The following METTL25 variants were observed in gnomAD, a reference collection of about 807,000 sequenced individuals.
METTL25 encodes the protein probable methyltransferase-like protein 25.
METTL25 carries 64 observed loss-of-function variants against 71.6 expected under a neutral mutation model. That is an observed-to-expected ratio of 0.89 (90% CI 0.73 to 1.10). The LOEUF is 1.10. Among genes scored for constraint, METTL25 ranks in the 50% least tolerant of loss-of-function variants. The probability of loss-of-function intolerance (pLI) is 0.00; values close to 1 mark genes in which losing one functional copy is unlikely to be tolerated. For synonymous variants in METTL25, 287 were observed against 250.3 expected, an observed-to-expected ratio of 1.15 and a Z score of -1.38; for missense variants, 807 against 707.0, an observed-to-expected ratio of 1.14 and a Z score of -1.60.
intron 5 of METTL25, among the ~76,000 whole-genome samples, chr12:82,403,555 GA>G (rs1886826816): frequency 6.6e-6 from 1 of 152,056 alleles, no homozygotes; most frequent in Non-Finnish European, 1.5e-5. Flanking sequence ...ATTTAAAAAA[GA>G]AAAAGTTCTT....
chr12:82,370,533 C>T (rs956900682), intron 1 of METTL25, among the ~76,000 whole-genome samples: 15 of 152,132 alleles, frequency 9.9e-5, no homozygotes, highest in African/African-American at 3.4e-4. Context: ...AGTGCAGAGT[C>T]CTCCTTTCTC....
intron 8 of METTL25, among the ~76,000 whole-genome samples, chr12:82,439,579 AC>A (rs1369485705): frequency 6.6e-6 from 1 of 151,832 alleles, no homozygotes; most frequent in Non-Finnish European, 1.5e-5. Context: ...AAAAATATCC[AC>A]TTTTTACGGA....
chr12:82,438,845 A>G (rs536261739), intron 8 of METTL25, 54 bp downstream of exon 8: 4 of 1,423,998 alleles, frequency 2.8e-6, no homozygotes, highest in Non-Finnish European at 2.8e-6. Context: ...AAGTAAAGTG[A>G]CTTTTAGTCT....
At chr12:82,472,152 C>A (rs1892607055) in intron 9 of METTL25, among the ~76,000 whole-genome samples, 1 of 152,104 alleles carries the variant, frequency 6.6e-6, no homozygotes, top group African/African-American at 2.4e-5. Context: ...TTTTTCACAT[C>A]TTTAAGAAGT....
In METTL25 at chr12:82,363,268, C is replaced by T. The variant is rs553408898; in HGVS notation, c.259+4444C>T. ...CAGAGCTTCCCCTGGCTAGAGATCC[C>T]ACAAGTTTGCTGCACCTTCAACAGA... On this transcript the variant is annotated intron_variant, in intron 1 of 11. Coordinates refer to ENST00000248306, the MANE Select transcript of METTL25 (RefSeq NM_032230.3). Among the ~76,000 whole-genome samples the T allele has an allele frequency of 2.2e-4, 33 of 152,284 alleles. No individual in the cohort carries two copies. In the South Asian group the frequency reaches 6.4e-3, roughly 30 times the overall value.
At chr12:82,366,614 T>C (rs957611946) in intron 1 of METTL25, among the ~76,000 whole-genome samples, 1 of 152,192 alleles carries the variant, frequency 6.6e-6, no homozygotes, top group Non-Finnish European at 1.5e-5. Flanking sequence ...AATGTTTTCT[T>C]GGCCATCCTA....
chr12:82,421,512 T>A (rs938943309), intron 5 of METTL25, among the ~76,000 whole-genome samples: 1 of 152,108 alleles, frequency 6.6e-6, no homozygotes, highest in African/African-American at 2.4e-5. Flanking sequence ...AAGGTGCCAA[T>A]GAAATATCCA....
chr12:82,375,175 C>G (rs1883702161), intron 1 of METTL25, among the ~76,000 whole-genome samples: 1 of 152,112 alleles, frequency 6.6e-6, no homozygotes, highest in African/African-American at 2.4e-5. Flanking sequence ...TGAATATGCT[C>G]CTCCAAATTC....
At chr12:82,402,884 TG>T in intron 4 of METTL25, 98 bp from the exon 5 acceptor site, 1 of 860,716 alleles carries the variant, frequency 1.2e-6, no homozygotes, top group Non-Finnish European at 1.8e-6. Context: ...CAGTGCAGCC[TG>T]GGCAACATTG....
chr12:82,435,213 G>C (rs1796810259), intron 7 of METTL25, among the ~76,000 whole-genome samples: 1 of 151,274 alleles, frequency 6.6e-6, no homozygotes, highest in South Asian at 2.1e-4. Context: ...CCATGTAATT[G>C]TCTTATCCTT....
chr12:82,361,596 A>G (rs1881915153), intron 1 of METTL25, among the ~76,000 whole-genome samples: 1 of 152,288 alleles, frequency 6.6e-6, no homozygotes, highest in African/African-American at 2.4e-5. Flanking sequence ...TGAGAATTCA[A>G]GAGCAGCGCT....
intron 9 of METTL25, among the ~76,000 whole-genome samples, chr12:82,459,610 G>C (rs1432626432): frequency 6.6e-6 from 1 of 152,172 alleles, no homozygotes; most frequent in Non-Finnish European, 1.5e-5. Flanking sequence ...CTGGATGACA[G>C]AGCAAGACTC....
intron 4 of METTL25, among the ~76,000 whole-genome samples, chr12:82,401,361 T>G (rs1277031307): frequency 6.6e-6 from 1 of 152,104 alleles, no homozygotes; most frequent in Non-Finnish European, 1.5e-5. Flanking sequence ...TAAATTACAA[T>G]GATAAAAAAA....
Position 82,458,373 on chromosome 12 carries a change from G to A in METTL25, c.1572+1553G>A, listed in dbSNP as rs543967980. 2.6e-5 allele frequency among the ~76,000 whole-genome samples: 4 copies of A among 152,252 alleles called. No individual in the cohort carries two copies. In the South Asian group the frequency reaches 8.3e-4, roughly 32 times the overall value. On this transcript the variant is annotated intron_variant, in intron 9 of 11. Coordinates refer to ENST00000248306, the MANE Select transcript of METTL25 (RefSeq NM_032230.3). ...GAAAAATCCACAGATCTAATGAGAA[G>A]TGAGGTCACAGGGCAAACTGCTACC... is the stretch of plus-strand genomic sequence containing the variant.
chr12:82,378,777 G>A (rs879481130), intron 1 of METTL25, among the ~76,000 whole-genome samples: 3 of 152,062 alleles, frequency 2.0e-5, no homozygotes, highest in Non-Finnish European at 4.4e-5. Context: ...TTATGATCCC[G>A]GCATTTGGGA....
intron 5 of METTL25, among the ~76,000 whole-genome samples, chr12:82,421,267 C>A (rs1342255904): frequency 6.6e-6 from 1 of 152,078 alleles, no homozygotes; most frequent in Non-Finnish European, 1.5e-5. Flanking sequence ...ACTGTTGTAC[C>A]AGTCCAGGTA....
intron 2 of METTL25, among the ~76,000 whole-genome samples, chr12:82,387,360 G>A (rs1592627993): frequency 6.6e-6 from 1 of 152,028 alleles, no homozygotes; most frequent in South Asian, 2.1e-4. Flanking sequence ...AGAAGCATGA[G>A]TGTCAGAAAG....
chr12:82,468,770 T>A (rs984482607), intron 9 of METTL25: 5 of 152,404 alleles, frequency 3.3e-5, no homozygotes, highest in African/African-American at 1.2e-4. Context: ...CTTGTATTGT[T>A]GCTATGTTGT....
chr12:82,409,324 AGTGTCT>A (rs1887362767), intron 5 of METTL25, among the ~76,000 whole-genome samples: 1 of 152,108 alleles, frequency 6.6e-6, no homozygotes, highest in Admixed American at 6.6e-5. Context: ...TCCTTTATAG[AGTGTCT>A]GTTTGGCCAA....
Sources: gnomAD v4.1 joint callset for allele counts (sites outside exome capture counted in the v4.1 genomes callset) on GRCh38, gnomAD v4.1.1 for gene constraint, MANE v1.5 for transcripts, NCBI Gene and HGNC (gene_info 2026-07-23, HGNC 2026-07-21) for gene names.